The following TOX2 variants were observed in gnomAD, a reference collection of about 807,000 sequenced individuals.
TOX2 encodes TOX high mobility group box family member 2.
TOX2 carries 15 observed loss-of-function variants against 47.4 expected under a neutral mutation model. That is an observed-to-expected ratio of 0.32 (90% confidence interval 0.21 to 0.49). The LOEUF is 0.49. Among genes scored for constraint, TOX2 ranks in the 20% least tolerant of loss-of-function variants. The pLI is 0.99. For synonymous variants in TOX2, 290 were observed against 296.6 expected (o/e 0.98, Z 0.23); for missense variants, 622 against 673.1 (o/e 0.92, Z 0.84).
intron 1 of TOX2, among the ~76,000 whole-genome samples, chr20:43,954,008 G>A (rs1464335697): frequency 1.3e-5 from 2 of 152,118 alleles, no homozygotes; most frequent in Non-Finnish European, 2.9e-5. Flanking sequence ...CATCCTCCAC[G>A]TGGCTAGCTG....
At chr20:43,941,917 C>T (rs1365957798) in intron 1 of TOX2, among the ~76,000 whole-genome samples, 1 of 152,162 alleles carries the variant, frequency 6.6e-6, no homozygotes, top group Non-Finnish European at 1.5e-5. Context: ...CAGCAAGGGG[C>T]TGATATGGGC....
chr20:44,057,593 A>G (rs2071643685), intron 5 of TOX2, among the ~76,000 whole-genome samples: 1 of 152,244 alleles, frequency 6.6e-6, no homozygotes, highest in Non-Finnish European at 1.5e-5. Context: ...CAAGACTTAG[A>G]AAAATAAGAA....
intron 1 of TOX2, among the ~76,000 whole-genome samples, chr20:43,921,497 G>T (rs1374751906): frequency 6.6e-6 from 1 of 152,176 alleles, no homozygotes; most frequent in Non-Finnish European, 1.5e-5. Context: ...GAGCTTGAGG[G>T]TTGGAGACCA....
intron 6 of TOX2, 129 bp from the exon 7 acceptor site, chr20:44,065,583 T>C (rs2071798598): frequency 8.9e-7 from 1 of 1,127,894 alleles, no homozygotes; most frequent in Non-Finnish European, 1.3e-6. Context: ...CTCTGGTTAG[T>C]CCAAGCTCTC....
At chr20:43,986,717 T>C (rs2070273702) in intron 2 of TOX2, among the ~76,000 whole-genome samples, 1 of 152,210 alleles carries the variant, frequency 6.6e-6, no homozygotes, top group African/African-American at 2.4e-5. Flanking sequence ...CATTTTGCAG[T>C]ATCTAAAGCT....
intron 3 of TOX2, among the ~76,000 whole-genome samples, chr20:44,048,598 C>T (rs374735323): frequency 3.9e-4 from 59 of 151,106 alleles, no homozygotes; most frequent in African/African-American, 1.4e-3. Flanking sequence ...GGGAAGAGTT[C>T]AATTTCTAAA....
intron 1 of TOX2, among the ~76,000 whole-genome samples, chr20:43,954,703 C>G (rs1387363190): frequency 6.6e-6 from 1 of 152,198 alleles, no homozygotes; most frequent in Non-Finnish European, 1.5e-5. Flanking sequence ...CCTATTGCAC[C>G]TGGCCTTGAC....
chr20:43,969,157 A>G (rs189535779), intron 1 of TOX2, among the ~76,000 whole-genome samples: 11 of 152,338 alleles, frequency 7.2e-5, no homozygotes, highest in African/African-American at 2.6e-4. Flanking sequence ...GTGCACACTC[A>G]TGCCTGTGCT....
intron 3 of TOX2, among the ~76,000 whole-genome samples, chr20:44,048,388 T>TA (rs1555845974): frequency 6.9e-5 from 6 of 86,844 alleles, no homozygotes; most frequent in East Asian, 3.0e-4. Flanking sequence ...TAAAATGAAT[T>TA]TATATATATA....
chr20:43,959,051 TG>T (rs2069714820), intron 1 of TOX2, among the ~76,000 whole-genome samples: 1 of 152,222 alleles, frequency 6.6e-6, no homozygotes, highest in South Asian at 2.1e-4. Context: ...AGCCCAGATC[TG>T]GGTCAGAAGG....
At chr20:43,949,156 T>C (rs544770759) in intron 1 of TOX2, among the ~76,000 whole-genome samples, 4 of 152,356 alleles carry the variant, frequency 2.6e-5, no homozygotes, top group South Asian at 4.1e-4. Flanking sequence ...GCCCACTTTT[T>C]ATATATGACT....
At chr20:44,017,261 G>C (rs538292184) in intron 3 of TOX2, among the ~76,000 whole-genome samples, 1 of 152,374 alleles carries the variant, frequency 6.6e-6, no homozygotes, top group Admixed American at 6.5e-5. Context: ...CCGCCTGGCT[G>C]AGTATGAGTA....
At chr20:44,033,665 G>A (rs111571872) in intron 3 of TOX2, among the ~76,000 whole-genome samples, 175 of 150,890 alleles carry the variant, frequency 1.2e-3, no homozygotes, top group African/African-American at 3.8e-3. Context: ...GCCAAGGCAT[G>A]AGGATACGGT....
At chr20:44,056,964 C>G (rs1277744441) in intron 5 of TOX2, among the ~76,000 whole-genome samples, 6 of 152,146 alleles carry the variant, frequency 3.9e-5, no homozygotes, top group Admixed American at 2.0e-4. Context: ...GGCTAGAGGT[C>G]AGTGGCATGA....
intron 2 of TOX2, among the ~76,000 whole-genome samples, chr20:43,990,068 T>C (rs957006317): frequency 6.6e-6 from 1 of 152,202 alleles, no homozygotes; most frequent in African/African-American, 2.4e-5. Context: ...TATGCAAGCT[T>C]CCCATCTCTG....
chr20:43,962,999 G>A (rs145434580), intron 1 of TOX2, among the ~76,000 whole-genome samples: 215 of 152,082 alleles, frequency 1.4e-3, no homozygotes, highest in African/African-American at 4.8e-3. Context: ...TGTTGTCATC[G>A]TCATCATTCT....
chr20:43,993,106 G>A (rs1225644449), intron 2 of TOX2, among the ~76,000 whole-genome samples: 1 of 152,128 alleles, frequency 6.6e-6, no homozygotes, highest in Non-Finnish European at 1.5e-5. Flanking sequence ...TGGCCATAGC[G>A]ATGAGGGGGT....
At chr20:44,002,209 T>C (rs78771507) in intron 2 of TOX2, among the ~76,000 whole-genome samples, 1,874 of 152,336 alleles carry the variant, frequency 0.012, 21 homozygotes, top group Non-Finnish European at 0.02. Context: ...CTCTACTCCT[T>C]TGATGCTCCC....
At chr20:43,925,714 T>C (rs2069157950) in intron 1 of TOX2, among the ~76,000 whole-genome samples, 1 of 152,232 alleles carries the variant, frequency 6.6e-6, no homozygotes. Context: ...TCTGTTTCTT[T>C]GACTTCTTAG....
Sources: gnomAD v4.1 joint callset for allele counts (sites outside exome capture counted in the v4.1 genomes callset) on GRCh38, gnomAD v4.1.1 for gene constraint, MANE v1.5 for transcripts, NCBI Gene and HGNC (gene_info 2026-07-23, HGNC 2026-07-21) for gene names.